SPECC1: variants seen among roughly 807,000 people sequenced by gnomAD.
The protein encoded by SPECC1 is sperm antigen with calponin homology and coiled-coil domains 1.
In SPECC1, 62 loss-of-function variants were observed where a neutral mutation model predicts 104.1. The ratio of observed to expected loss-of-function variants is 0.60; its 90% CI spans 0.49 to 0.74. The LOEUF (loss-of-function observed/expected upper bound fraction) is 0.74, where lower values mean the gene tolerates loss of function less well. Ranked by LOEUF, SPECC1 falls within the 30% of genes least tolerant of loss-of-function variation. The pLI is 0.00. For missense variants in SPECC1, 1,306 were observed against 1,310.5 expected, an observed-to-expected ratio of 1.00 and a Z score of 0.05; for synonymous variants, 513 against 501.6, an observed-to-expected ratio of 1.02 and a Z score of -0.30.
At chr17:20,294,705 C>T (rs1008323168) in intron 12 of SPECC1, among the ~76,000 whole-genome samples, 2 of 130,894 alleles carry the variant, frequency 1.5e-5, no homozygotes, top group East Asian at 5.9e-4. Flanking sequence ...TATGAAGGTA[C>T]TGATGATGGT....
At chr17:20,077,380 T>C (rs2046798907) in intron 1 of SPECC1, among the ~76,000 whole-genome samples, 1 of 152,242 alleles carries the variant, frequency 6.6e-6, no homozygotes, top group South Asian at 2.1e-4. Flanking sequence ...ATGATTTTTC[T>C]GGATTATTTG....
chr17:20,139,761 G>T (rs145438103), intron 3 of SPECC1, among the ~76,000 whole-genome samples: 1 of 152,114 alleles, frequency 6.6e-6, no homozygotes, highest in South Asian at 2.1e-4. Flanking sequence ...TGCAACCTCC[G>T]CCTCCCCGGT....
At chr17:20,110,720 A>G (rs971262555) in intron 3 of SPECC1, among the ~76,000 whole-genome samples, 158 bp downstream of exon 3, 1 of 152,130 alleles carries the variant, frequency 6.6e-6, no homozygotes, top group African/African-American at 2.4e-5. Context: ...GTCGCTGCCC[A>G]CAGGGAGTTT....
chr17:20,074,041 T>C (rs572440509), intron 1 of SPECC1, among the ~76,000 whole-genome samples: 1 of 152,290 alleles, frequency 6.6e-6, no homozygotes, highest in South Asian at 2.1e-4. Flanking sequence ...GGGTACTAAT[T>C]AGTAGCAGCG....
intron 1 of SPECC1, among the ~76,000 whole-genome samples, chr17:20,018,263 C>T (rs973043170): frequency 6.6e-6 from 1 of 152,196 alleles, no homozygotes; most frequent in Non-Finnish European, 1.5e-5. Flanking sequence ...TTTTACTTTT[C>T]AGAAATTTCC....
rs1491233245 is a variant in SPECC1, at chr17:20,236,602, CTT to C, written c.2351+4199_2351+4200del. Among the ~76,000 whole-genome samples the C allele has an allele frequency of 9.8e-3, 1,165 of 118,792 alleles. 16 individuals carry two copies. The highest frequency in any genetic ancestry group is 0.041 in the African/African-American group (1,110 of 26,852). The allele number at this position is 118,792 out of a possible 152,430, so 77.9% of individuals were successfully genotyped here. A position where few individuals can be genotyped will look rare whatever the true frequency, so the allele number is the denominator to read the frequency against. On this transcript the variant is annotated intron_variant, in intron 7 of 14. Coordinates refer to ENST00000395527, the MANE Select transcript of SPECC1 (RefSeq NM_001243439.2). ...GACATCTCTGCTTCACCACACAGTT[CTT>C]TGCTGGAGAAGTTCTGGTGGAGGAG...
chr17:20,277,425 T>C (rs934183503), intron 12 of SPECC1, among the ~76,000 whole-genome samples: 2 of 152,216 alleles, frequency 1.3e-5, no homozygotes, highest in African/African-American at 4.8e-5. Context: ...AATGAAAGTA[T>C]GTTTAATTTC....
intron 3 of SPECC1, among the ~76,000 whole-genome samples, chr17:20,179,732 T>C (rs573066518): frequency 6.6e-6 from 1 of 152,334 alleles, no homozygotes; most frequent in East Asian, 1.9e-4. Flanking sequence ...ATGCTGGTAA[T>C]TGGCTCAGAA....
At chr17:20,027,323 T>TACTA (rs2044636929) in intron 1 of SPECC1, among the ~76,000 whole-genome samples, 1 of 152,242 alleles carries the variant, frequency 6.6e-6, no homozygotes, top group African/African-American at 2.4e-5. Context: ...GTGTTCTGGA[T>TACTA]ACTAGTCCCT....
intron 12 of SPECC1, among the ~76,000 whole-genome samples, chr17:20,280,898 C>T (rs1472033932): frequency 6.6e-6 from 1 of 152,190 alleles, no homozygotes; most frequent in Non-Finnish European, 1.5e-5. Context: ...ATTTCAGAAC[C>T]ACTAATTTAA....
At position 20,222,640 on chromosome 17, in the gene SPECC1, C is replaced by CGAGT. The variant is rs144199308; in HGVS notation, c.1864-4772_1864-4769dup. Among the ~76,000 whole-genome samples, 246 of 152,248 alleles carry CGAGT rather than the reference C, an allele frequency of 1.6e-3. 1 individual carries two copies. The highest frequency in any genetic ancestry group is 5.8e-3 in the African/African-American group (240 of 41,534). Reference sequence around the variant, plus strand: ...TCTTTTAGTCTTTCTGTTTAAGATACGAGTAGTTGACACATCACAATTAGT... The same window carrying CGAGT: ...TCTTTTAGTCTTTCTGTTTAAGATACGAGTGAGTAGTTGACACATCACAATTAGT... On this transcript the variant is annotated intron_variant, in intron 4 of 14. Coordinates refer to ENST00000395527, the MANE Select transcript of SPECC1 (RefSeq NM_001243439.2).
intron 1 of SPECC1, among the ~76,000 whole-genome samples, chr17:20,040,202 CGT>C (rs372860525): frequency 4.6e-5 from 7 of 151,450 alleles, no homozygotes; most frequent in South Asian, 2.1e-4. Context: ...TATATACTTA[CGT>C]GTGTGTGTGT....
chr17:20,074,024 G>A (rs1311705229), intron 1 of SPECC1, among the ~76,000 whole-genome samples: 1 of 152,182 alleles, frequency 6.6e-6, no homozygotes, highest in Non-Finnish European at 1.5e-5. Context: ...TAGAAAAGAA[G>A]CCCTGTGGGT....
intron 3 of SPECC1, among the ~76,000 whole-genome samples, chr17:20,120,017 C>G (rs1351176029): frequency 1.3e-5 from 2 of 152,162 alleles, no homozygotes; most frequent in Non-Finnish European, 2.9e-5. Context: ...AATAAAAAAT[C>G]AGAAATCCAG....
In SPECC1 at chr17:20,298,948, A is replaced by AGAGAGTGTGTGTGTGTGTGTGT; in HGVS notation, c.3057+1872_3057+1873insAGAGTGTGTGTGTGTGTGTGTG. On this transcript the variant is annotated intron_variant, in intron 13 of 14. Coordinates refer to ENST00000395527, the MANE Select transcript of SPECC1 (RefSeq NM_001243439.2). The stretch of plus-strand genomic sequence containing the variant: ...GAGAGAGAGAGAGAGAGAGAGAGAG[A>AGAGAGTGTGTGTGTGTGTGTGT]GTGTGTGTGTGTGTGTGTGTGTGTA... 3.3e-3 allele frequency among the ~76,000 whole-genome samples: 161 copies of AGAGAGTGTGTGTGTGTGTGTGT among 49,012 alleles called. 2 individuals are homozygous for AGAGAGTGTGTGTGTGTGTGTGT. Among genetic ancestry groups the AGAGAGTGTGTGTGTGTGTGTGT allele is most frequent in the East Asian group, 0.025 (3 of 120 alleles). The allele number at this position is 49,012 out of a possible 152,430, so 32.2% of individuals were successfully genotyped here. A position where few individuals can be genotyped will look rare whatever the true frequency, so the allele number is the denominator to read the frequency against.
At chr17:20,232,784 G>T (rs2038678627) in intron 7 of SPECC1, among the ~76,000 whole-genome samples, 1 of 152,228 alleles carries the variant, frequency 6.6e-6, no homozygotes, top group Non-Finnish European at 1.5e-5. Context: ...AGTGGGAGAA[G>T]CTGGAATCAC....
chr17:20,279,157 A>T (rs1163407327), intron 12 of SPECC1, among the ~76,000 whole-genome samples: 1 of 152,184 alleles, frequency 6.6e-6, no homozygotes, highest in African/African-American at 2.4e-5. Context: ...TCCCAGGTGA[A>T]TCTGCACTGA....
At chr17:20,238,545 A>G in intron 7 of SPECC1, 2 of 1,042,586 alleles carry the variant, frequency 1.9e-6, no homozygotes, top group Non-Finnish European at 2.3e-6. Context: ...CTTTAAACTC[A>G]GGAAGATCTT....
In SPECC1 at chr17:20,204,573, C is replaced by T; in HGVS notation, c.524C>T (p.Ala175Val). The T allele has an allele frequency of 6.2e-7, 1 of 1,614,160 alleles. No homozygotes were observed. ...GAGTCCCAAGTTCGGGAACTTTTGG[C>T]AGAAGCCAAAGCAAAAGATAGTGAA... ...ALESQVRELL[A>V]EAKAKDSEIN... Residue 175 changes from alanine to valine, a missense_variant, in exon 4 of 15, where the codon GCA (alanine) becomes GTA (valine). Ala to Val is a moderately conservative substitution (Grantham distance 64, BLOSUM62 0). Coordinates refer to ENST00000395527, the MANE Select transcript of SPECC1 (RefSeq NM_001243439.2).
Sources: gnomAD v4.1 joint callset for allele counts (sites outside exome capture counted in the v4.1 genomes callset) on GRCh38, gnomAD v4.1.1 for gene constraint, MANE v1.5 for transcripts, NCBI Gene and HGNC (gene_info 2026-07-23, HGNC 2026-07-21) for gene names.